SOCS2: variants seen among roughly 807,000 people sequenced by gnomAD.
SOCS2 encodes CIS-2.
SOCS2 carries 10 observed loss-of-function variants against 18.6 expected under a neutral mutation model. The ratio of observed to expected loss-of-function variants is 0.54; its 90% CI spans 0.33 to 0.91. The LOEUF (loss-of-function observed/expected upper bound fraction) is 0.91, where lower values mean the gene tolerates loss of function less well. Among genes scored for constraint, SOCS2 ranks in the 40% least tolerant of loss-of-function variants. The pLI is 0.02. For synonymous variants in SOCS2, 104 were observed against 104.0 expected (o/e 1.00, Z 0.00); for missense variants, 231 against 247.2 (o/e 0.93, Z 0.44).
upstream of SOCS2, chr12:93,572,471 C>G (rs933505822): frequency 1.4e-5 from 5 of 365,820 alleles, no homozygotes; most frequent in Non-Finnish European, 2.1e-5. This position sits in a 1 kb window ranked among gnomAD's most constrained non-coding sequence, Gnocchi z 5.0. Flanking sequence ...GACCTCCGCC[C>G]CCCACCTCTT....
intron 1 of SOCS2, among the ~76,000 whole-genome samples, chr12:93,582,843 G>A (rs774029541): frequency 6.0e-4 from 91 of 152,238 alleles, no homozygotes; most frequent in Middle Eastern, 3.4e-3. Flanking sequence ...GCCCAGATGT[G>A]ATAGTACATT....
Position 93,576,402 on chromosome 12 carries a change from T to A in SOCS2, c.*1223T>A, listed in dbSNP as rs932963943. 2.0e-5 allele frequency: 3 copies of A among 152,234 alleles called. No homozygotes were observed. The highest frequency in any genetic ancestry group is 4.4e-5 in the Non-Finnish European group (3 of 68,038). 9.4% of individuals were successfully genotyped at this position (152,234 alleles called of 1,614,324 possible). Reference sequence around the variant, plus strand: ...TTTAGAAACTACAGGCATTGTCAAGTGGCCGGGTCTTTTATAATTTGAATA... The same window carrying A: ...TTTAGAAACTACAGGCATTGTCAAGAGGCCGGGTCTTTTATAATTTGAATA... On this transcript the variant is annotated 3_prime_UTR_variant, in exon 2 of 2. Transcript: ENST00000551556.
chr12:93,591,371 C>G, the SOCS2 span, among the ~76,000 whole-genome samples: 1 of 151,700 alleles, frequency 6.6e-6, no homozygotes, highest in African/African-American at 2.4e-5. Flanking sequence ...TTTCTAGGAA[C>G]TAGTTAAGGG....
the SOCS2 span, among the ~76,000 whole-genome samples, chr12:93,590,313 C>T: frequency 1.7e-4 from 26 of 151,800 alleles, no homozygotes; most frequent in Admixed American, 3.9e-4. Flanking sequence ...TTTTAGCTAC[C>T]GACGCAAGAC....
At chr12:93,583,768 AG>A (rs1232461654), downstream of SOCS2, among the ~76,000 whole-genome samples, 1 of 152,224 alleles carries the variant, frequency 6.6e-6, no homozygotes, top group African/African-American at 2.4e-5. Context: ...GAAAAAAGCT[AG>A]AACATTTACT....
upstream of SOCS2, chr12:93,571,911 C>T (rs1327044674): frequency 4.7e-6 from 2 of 427,668 alleles, no homozygotes; most frequent in Non-Finnish European, 4.6e-6. Flanking sequence ...CGGCCGAGGT[C>T]GAGGTAAGAG....
chr12:93,608,170 GT>G, the SOCS2 span, among the ~76,000 whole-genome samples: 16 of 145,478 alleles, frequency 1.1e-4, no homozygotes, highest in South Asian at 2.2e-4. Flanking sequence ...TTGTTTTTTG[GT>G]TTTTTTTTTG....
In SOCS2 at chr12:93,573,111, G is replaced by A. The variant is rs562537428; in HGVS notation, c.139+75G>A. ...GGAAGCAGCTAGGAAGCGGGGTCGA[G>A]GTGGGAAGCAAAGAATAAGATGGAA... On this transcript the variant is annotated intron_variant, in intron 1 of 1. Transcript: ENST00000551556. The A allele has an allele frequency of 1.3e-5, 20 of 1,517,102 alleles. No individual in the cohort carries two copies. In the East Asian group the frequency reaches 4.6e-4, roughly 35 times the overall value. The allele number at this position is 1,517,102 out of a possible 1,614,324, so 94.0% of individuals were successfully genotyped here.
intron 1 of SOCS2, chr12:93,573,671 C>T (rs1235723516): frequency 6.5e-6 from 1 of 153,384 alleles, no homozygotes; most frequent in East Asian, 1.9e-4. Context: ...AAGTATCTGG[C>T]AAATCATTCT....
chr12:93,570,578 C>A, upstream of SOCS2: 1 of 152,640 alleles, frequency 6.6e-6, no homozygotes, highest in Middle Eastern at 3.3e-3. Flanking sequence ...GGGGCGCCGC[C>A]GGGATGTTTA....
chr12:93,605,000 A>AG, the SOCS2 span, among the ~76,000 whole-genome samples: 1 of 150,998 alleles, frequency 6.6e-6, no homozygotes, highest in Admixed American at 6.6e-5. Context: ...TCACATGTAT[A>AG]GGGTAAAATT....
At chr12:93,622,134 C>T in the SOCS2 span, among the ~76,000 whole-genome samples, 1 of 152,100 alleles carries the variant, frequency 6.6e-6, no homozygotes, top group Non-Finnish European at 1.5e-5. Context: ...GAGTTTTATA[C>T]AAAAATCTTG....
At chr12:93,624,744 CCA>C in the SOCS2 span, among the ~76,000 whole-genome samples, 24,015 of 151,998 alleles carry the variant, frequency 0.16, 2,795 homozygotes, top group East Asian at 0.35. Context: ...TTGCTGGAAC[CCA>C]TTAAGTTGCT....
Position 93,574,991 on chromosome 12 carries a change from C to T in SOCS2, c.409C>T (p.Arg137Trp), listed in dbSNP as rs770266612. The change falls in exon 2 of 2, where the codon CGG becomes TGG. Residue 137 changes from arginine to tryptophan, a missense_variant. Physicochemically the swap from Arg to Trp is moderately radical, Grantham distance 101 (BLOSUM62 -3). This residue lies in a region of SOCS2 where 122 missense variants were observed against 127.2 expected (regional missense o/e 0.96). Transcript: ENST00000551556. ...CTATGTTCAGATGTGCAAGGATAAG[C>T]GGACAGGTCCAGAAGCCCCCCGGAA... The part of the protein sequence containing the change: ...DYYVQMCKDK[R>W]TGPEAPRNGT... 2.5e-6 allele frequency: 4 copies of T among 1,614,034 alleles called. No homozygotes were observed. The highest frequency in any genetic ancestry group is 2.2e-5 in the East Asian group (1 of 44,880).
At chr12:93,579,025 C>G (rs1490230512), downstream of SOCS2, among the ~76,000 whole-genome samples, 1 of 152,144 alleles carries the variant, frequency 6.6e-6, no homozygotes, top group Non-Finnish European at 1.5e-5. Flanking sequence ...GATTTTAACT[C>G]CTTAACATTT....
the SOCS2 span, among the ~76,000 whole-genome samples, chr12:93,609,949 G>A: frequency 6.6e-6 from 1 of 152,166 alleles, no homozygotes; most frequent in Non-Finnish European, 1.5e-5. Context: ...GGGCAAGAGA[G>A]AACAAGAAAG....
At chr12:93,587,679 T>TA (rs1015520754), downstream of SOCS2, among the ~76,000 whole-genome samples, 10,234 of 93,546 alleles carry the variant, frequency 0.11, 1,216 homozygotes, top group African/African-American at 0.32. Context: ...AGACTCTGTC[T>TA]AAAAAAAAAA....
At chr12:93,587,679 T>TAA (rs1015520754), downstream of SOCS2, among the ~76,000 whole-genome samples, 26 of 93,694 alleles carry the variant, frequency 2.8e-4, no homozygotes, top group African/African-American at 6.7e-4. Flanking sequence ...AGACTCTGTC[T>TAA]AAAAAAAAAA....
the SOCS2 span, among the ~76,000 whole-genome samples, chr12:93,601,298 T>C: frequency 1.3e-5 from 2 of 151,822 alleles, no homozygotes; most frequent in East Asian, 1.9e-4. Context: ...TTTTTGAGAC[T>C]GAGTCTTGGT....
Sources: gnomAD v4.1 joint callset for allele counts (sites outside exome capture counted in the v4.1 genomes callset) on GRCh38, gnomAD v4.1.1 for gene constraint, gnomAD v4.1.1 regional missense constraint, Gnocchi (gnomAD v3.1) non-coding constraint, MANE v1.5 for transcripts, NCBI Gene and HGNC (gene_info 2026-07-23, HGNC 2026-07-21) for gene names.